Variants in CDH22 observed in about 807,000 individuals in gnomAD.
The protein encoded by CDH22 is cadherin 22, also known as cadherin-22.
Under a neutral mutation model 58.4 loss-of-function variants are expected in CDH22, and 30 were observed. That is an observed-to-expected ratio of 0.51 (90% CI 0.38 to 0.70). The LOEUF (loss-of-function observed/expected upper bound fraction) is 0.70, where lower values mean the gene tolerates loss of function less well. Ranked by LOEUF, CDH22 falls within the 30% of genes least tolerant of loss-of-function variation. The pLI is 0.00. For missense variants in CDH22, 1,014 were observed against 1,233.9 expected (o/e 0.82, Z 2.67); for synonymous variants, 513 against 558.2 (o/e 0.92, Z 1.14).
At chr20:46,203,232 C>T (rs1175280439) in intron 7 of CDH22, among the ~76,000 whole-genome samples, 1 of 150,848 alleles carries the variant, frequency 6.6e-6, no homozygotes, top group Non-Finnish European at 1.5e-5. Context: ...TTTATTCCAG[C>T]TCAGGGAGCC....
chr20:46,280,335 G>A (rs1008761175), intron 1 of CDH22, among the ~76,000 whole-genome samples: 41 of 152,312 alleles, frequency 2.7e-4, no homozygotes, highest in African/African-American at 8.9e-4. Context: ...CAGGAGAATC[G>A]CTTGAACCTG....
chr20:46,305,872 C>T (rs2086673908), intron 1 of CDH22, among the ~76,000 whole-genome samples: 1 of 152,264 alleles, frequency 6.6e-6, no homozygotes, highest in Non-Finnish European at 1.5e-5. Context: ...GAATGCAGCG[C>T]TCCTGCAAAG....
intron 5 of CDH22, among the ~76,000 whole-genome samples, chr20:46,215,643 G>T (rs192885701): frequency 3.0e-4 from 46 of 152,312 alleles, no homozygotes; most frequent in African/African-American, 1.1e-3. Context: ...GTTTTTGTGT[G>T]CCATAGTTCA....
At position 46,300,799 on chromosome 20, in the gene CDH22, C is replaced by T. The variant is rs906258163; in HGVS notation, c.-400+7456G>A. 6.6e-6 allele frequency among the ~76,000 whole-genome samples: 1 copy of T among 152,194 alleles called. No individual in the cohort carries two copies. Among genetic ancestry groups the T allele is most frequent in the Non-Finnish European group, 1.5e-5 (1 of 68,050 alleles). ...CCTGCCAAAAACGTCCCAGTGGTCC[C>T]TGAAGAAATCATCGGACAAGAGCGT... On this transcript the variant is annotated intron_variant, in intron 1 of 11. Transcript: ENST00000537909. This position sits in a 1 kb window ranked among gnomAD's most constrained non-coding sequence, Gnocchi z 4.4.
At chr20:46,208,329 C>T (rs1214091323) in intron 7 of CDH22, among the ~76,000 whole-genome samples, 1 of 152,240 alleles carries the variant, frequency 6.6e-6, no homozygotes, top group Admixed American at 6.5e-5. Context: ...AGCTCCCAGA[C>T]CCTTCCAGGG....
intron 2 of CDH22, among the ~76,000 whole-genome samples, chr20:46,245,147 G>T (rs1254015778): frequency 1.3e-5 from 2 of 152,150 alleles, no homozygotes; most frequent in African/African-American, 4.8e-5. Context: ...CTCAGGAGGG[G>T]TCGAGGGGTC....
intron 1 of CDH22, among the ~76,000 whole-genome samples, chr20:46,296,888 G>A (rs1236300847): frequency 2.0e-5 from 3 of 152,178 alleles, no homozygotes; most frequent in South Asian, 4.1e-4. Context: ...CCCGTAAGAC[G>A]AGCCTGATGG....
At chr20:46,264,354 T>C (rs1262653754) in intron 1 of CDH22, among the ~76,000 whole-genome samples, 1 of 152,156 alleles carries the variant, frequency 6.6e-6, no homozygotes, top group African/African-American at 2.4e-5. Context: ...GCCAGTTGCA[T>C]ACCTTGAGCT....
intron 1 of CDH22, among the ~76,000 whole-genome samples, chr20:46,264,893 G>A (rs3091606): frequency 0.35 from 52,533 of 148,860 alleles, 10,133 homozygotes; most frequent in Middle Eastern, 0.54. Flanking sequence ...CACCGTGCGC[G>A]CACACACACC....
chr20:46,237,653 A>G (rs960862918), intron 3 of CDH22, among the ~76,000 whole-genome samples: 3 of 151,940 alleles, frequency 2.0e-5, no homozygotes, highest in Non-Finnish European at 4.4e-5. Flanking sequence ...CCCACTCCCG[A>G]CATTTTTCCT....
chr20:46,246,943 C>T (rs909560377), intron 2 of CDH22, among the ~76,000 whole-genome samples: 22 of 150,594 alleles, frequency 1.5e-4, no homozygotes, highest in Admixed American at 3.3e-4. Flanking sequence ...CCCACACAAG[C>T]ACTCGTACAT....
chr20:46,298,065 C>G (rs2086636535), intron 1 of CDH22, among the ~76,000 whole-genome samples: 1 of 152,180 alleles, frequency 6.6e-6, no homozygotes, highest in Non-Finnish European at 1.5e-5. Context: ...ATGATATCCC[C>G]CTACAGCCCA....
At chr20:46,212,208 T>A (rs2086048386) in intron 6 of CDH22, among the ~76,000 whole-genome samples, 2 of 152,174 alleles carry the variant, frequency 1.3e-5, no homozygotes, top group African/African-American at 4.8e-5. Context: ...AGGAGACAGA[T>A]GCCGGCTGAA....
At chr20:46,297,306 A>C (rs2086633009) in intron 1 of CDH22, among the ~76,000 whole-genome samples, 1 of 152,046 alleles carries the variant, frequency 6.6e-6, no homozygotes, top group South Asian at 2.1e-4. Flanking sequence ...GGGGACAGAA[A>C]TTCTGTGGGA....
chr20:46,234,031 C>G (rs2086237603), intron 3 of CDH22, among the ~76,000 whole-genome samples: 1 of 152,200 alleles, frequency 6.6e-6, no homozygotes, highest in South Asian at 2.1e-4. Context: ...AAATGATATC[C>G]TTGGGGAACA....
At chr20:46,178,251 T>C in intron 10 of CDH22, 54 bp from the exon 11 acceptor site, 1 of 1,575,626 alleles carries the variant, frequency 6.3e-7, no homozygotes, top group Non-Finnish European at 8.6e-7. Flanking sequence ...TCAGCATCCT[T>C]GTCCTAGCCA....
At chr20:46,206,178 C>T (rs1163956202) in intron 7 of CDH22, among the ~76,000 whole-genome samples, 1 of 152,200 alleles carries the variant, frequency 6.6e-6, no homozygotes, top group African/African-American at 2.4e-5. Context: ...TTAGGAACTG[C>T]ACTAACCACA....
intron 8 of CDH22, among the ~76,000 whole-genome samples, chr20:46,198,415 C>A (rs143332072): frequency 2.0e-5 from 3 of 152,050 alleles, no homozygotes; most frequent in Non-Finnish European, 4.4e-5. Context: ...AGCCCATGAG[C>A]AGATTCCACT....
intron 1 of CDH22, among the ~76,000 whole-genome samples, chr20:46,294,056 C>T (rs2086618053): frequency 6.6e-6 from 1 of 152,144 alleles, no homozygotes; most frequent in Non-Finnish European, 1.5e-5. Context: ...TTATTGGAGT[C>T]TCAGTTTCTT....
Sources: gnomAD v4.1 joint callset for allele counts (sites outside exome capture counted in the v4.1 genomes callset) on GRCh38, gnomAD v4.1.1 for gene constraint, Gnocchi (gnomAD v3.1) non-coding constraint, MANE v1.5 for transcripts, NCBI Gene and HGNC (gene_info 2026-07-23, HGNC 2026-07-21) for gene names.